The following ADAMTSL1 variants were observed in gnomAD, a reference collection of about 807,000 sequenced individuals.
The protein encoded by ADAMTSL1 is ADAMTS-like protein 1.
ADAMTSL1 carries 126 observed loss-of-function variants against 201.8 expected under a neutral mutation model. The ratio of observed to expected loss-of-function variants is 0.62; its 90% CI spans 0.54 to 0.72. The LOEUF (loss-of-function observed/expected upper bound fraction) is 0.72, where lower values mean the gene tolerates loss of function less well. Among genes scored for constraint, ADAMTSL1 ranks in the 30% least tolerant of loss-of-function variants. ADAMTSL1 has a pLI of 0.00. For synonymous variants in ADAMTSL1, 1,121 were observed against 903.4 expected, an observed-to-expected ratio of 1.24 and a Z score of -4.32; for missense variants, 2,679 against 2,277.8, an observed-to-expected ratio of 1.18 and a Z score of -3.59.
At chr9:18,817,066 C>G in intron 20 of ADAMTSL1, 43 bp from the exon 21 acceptor site, 1 of 1,598,580 alleles carries the variant, frequency 6.3e-7, no homozygotes, top group Non-Finnish European at 8.5e-7. Flanking sequence ...CCAATTTCCA[C>G]AGTCACCACC....
At chr9:18,238,895 G>A (rs1299597380) in intron 2 of ADAMTSL1, among the ~76,000 whole-genome samples, 1 of 152,132 alleles carries the variant, frequency 6.6e-6, no homozygotes, top group African/African-American at 2.4e-5. Context: ...ATACCTCAGA[G>A]ATATTGCAGG....
chr9:18,051,384 T>C (rs1821933031), intron 1 of ADAMTSL1, among the ~76,000 whole-genome samples: 1 of 152,118 alleles, frequency 6.6e-6, no homozygotes, highest in African/African-American at 2.4e-5. Context: ...TGGTAGACTG[T>C]GTGGGAAGGA....
chr9:18,044,464 A>C (rs978116685), intron 1 of ADAMTSL1, among the ~76,000 whole-genome samples: 16 of 152,168 alleles, frequency 1.1e-4, no homozygotes, highest in African/African-American at 3.6e-4. Flanking sequence ...GTTTGGGACC[A>C]GTCTTCATAA....
At chr9:18,802,520 T>A (rs1193313691) in intron 20 of ADAMTSL1, among the ~76,000 whole-genome samples, 1 of 152,216 alleles carries the variant, frequency 6.6e-6, no homozygotes, top group East Asian at 1.9e-4. Context: ...GTTTTCAAGA[T>A]TTATCCATGT....
intron 2 of ADAMTSL1, among the ~76,000 whole-genome samples, chr9:18,176,226 G>A (rs571459560): frequency 5.3e-5 from 8 of 151,924 alleles, no homozygotes; most frequent in South Asian, 2.1e-4. Context: ...TTGCCCTAGC[G>A]TATTTTTAAG....
At chr9:18,856,673 G>A (rs1012717513) in intron 23 of ADAMTSL1, among the ~76,000 whole-genome samples, 20 of 151,926 alleles carry the variant, frequency 1.3e-4, no homozygotes, top group Admixed American at 3.3e-4. Flanking sequence ...GGCCAAGCTG[G>A]TCTTGAACTA....
At chr9:18,030,527 T>G (rs1469546781) in intron 1 of ADAMTSL1, among the ~76,000 whole-genome samples, 1 of 152,028 alleles carries the variant, frequency 6.6e-6, no homozygotes, top group African/African-American at 2.4e-5. Context: ...ATTGTGCACA[T>G]GTACCCTAAA....
At chr9:18,531,483 A>G (rs919829882) in intron 2 of ADAMTSL1, among the ~76,000 whole-genome samples, 5 of 152,066 alleles carry the variant, frequency 3.3e-5, no homozygotes, top group African/African-American at 7.2e-5. Context: ...CCTTATTTCT[A>G]TGGTTTCAAT....
chr9:18,860,480 A>AAGTC (rs1339127393), intron 23 of ADAMTSL1, among the ~76,000 whole-genome samples: 5 of 151,746 alleles, frequency 3.3e-5, no homozygotes, highest in African/African-American at 9.7e-5. Flanking sequence ...ATGGCTCACA[A>AAGTC]AGTCTACAAT....
chr9:18,041,124 A>C (rs1225248711), intron 1 of ADAMTSL1, among the ~76,000 whole-genome samples: 1 of 152,206 alleles, frequency 6.6e-6, no homozygotes, highest in African/African-American at 2.4e-5. Context: ...TTGAAAAACC[A>C]GCAGTTCTGT....
intron 1 of ADAMTSL1, among the ~76,000 whole-genome samples, chr9:18,481,080 A>C (rs1587334216): frequency 6.6e-6 from 1 of 152,374 alleles, no homozygotes; most frequent in African/African-American, 2.4e-5. Flanking sequence ...CAAGGGCAGA[A>C]TGTCAGAAAA....
chr9:18,355,758 G>A (rs1345353616), intron 2 of ADAMTSL1, among the ~76,000 whole-genome samples: 1 of 152,148 alleles, frequency 6.6e-6, no homozygotes, highest in African/African-American at 2.4e-5. Context: ...TCTAATCCTA[G>A]CACTTTGGGA....
rs71476277 is a variant in ADAMTSL1, at chr9:18,291,755, A to T, written c.207+127774A>T. Among the ~76,000 whole-genome samples the T allele has an allele frequency of 6.1e-4, 79 of 130,240 alleles. No homozygotes were observed. In the South Asian group the frequency reaches 0.018, roughly 29 times the overall value. 85.4% of individuals were successfully genotyped at this position (130,240 alleles called of 152,430 possible). A position where few individuals can be genotyped will look rare whatever the true frequency, so the allele number is the denominator to read the frequency against. ...CTCTCTCTCTCTCTCTCTCACACAC[A>T]CACACACACACACACACACACACAT... is the stretch of plus-strand genomic sequence containing the variant. On this transcript the variant is annotated intron_variant, in intron 2 of 29. Coordinates refer to the ADAMTSL1 transcript ENST00000680146.
chr9:17,958,188 A>C (rs1192522637), intron 1 of ADAMTSL1, among the ~76,000 whole-genome samples: 3 of 152,126 alleles, frequency 2.0e-5, no homozygotes, highest in Non-Finnish European at 4.4e-5. Context: ...GGATGGGTAC[A>C]TTCTGGCTGT....
intron 2 of ADAMTSL1, among the ~76,000 whole-genome samples, chr9:18,468,258 AG>A (rs1391681317): frequency 2.6e-5 from 4 of 152,166 alleles, no homozygotes; most frequent in Admixed American, 1.3e-4. Context: ...CGCAGGTTTG[AG>A]GGTACTGAAC....
intron 1 of ADAMTSL1, among the ~76,000 whole-genome samples, chr9:17,907,813 T>C (rs970656768): frequency 1.6e-4 from 25 of 152,252 alleles, no homozygotes; most frequent in African/African-American, 6.0e-4. Flanking sequence ...AGGTTAACTA[T>C]TGCTTAAAAC....
chr9:18,373,818 C>G (rs995286306), intron 2 of ADAMTSL1, among the ~76,000 whole-genome samples: 2 of 152,186 alleles, frequency 1.3e-5, no homozygotes, highest in Non-Finnish European at 2.9e-5. Context: ...AGCATTCTCC[C>G]TCTAGGATTT....
chr9:18,214,525 TA>T (rs1587327158), intron 2 of ADAMTSL1, among the ~76,000 whole-genome samples: 1 of 152,320 alleles, frequency 6.6e-6, no homozygotes, highest in East Asian at 1.9e-4. Context: ...TAAATGTTAC[TA>T]AAATGTTTAG....
chr9:18,572,102 G>A (rs1451603201), intron 3 of ADAMTSL1, among the ~76,000 whole-genome samples: 2 of 152,030 alleles, frequency 1.3e-5, no homozygotes, highest in East Asian at 1.9e-4. Context: ...GGCTGAGGTA[G>A]GAGAACTGCT....
Sources: allele counts gnomAD v4.1 joint callset (sites outside exome capture counted in the v4.1 genomes callset), GRCh38; gene constraint gnomAD v4.1.1; transcripts MANE v1.5; gene names NCBI Gene and HGNC (gene_info 2026-07-23, HGNC 2026-07-21).